RAP1GDS1: variants seen among roughly 807,000 people sequenced by gnomAD.
RAP1GDS1 encodes RAP1, GTP-GDP dissociation stimulator 1.
A neutral mutation model predicts 71.1 loss-of-function variants in RAP1GDS1; 35 were observed. The observed-to-expected ratio is 0.49, with a 90% CI of 0.38 to 0.65. RAP1GDS1 has a LOEUF of 0.65. Ranked by LOEUF, RAP1GDS1 falls within the 30% of genes least tolerant of loss-of-function variation. RAP1GDS1 has a pLI of 0.00. For missense variants in RAP1GDS1, 663 were observed against 706.1 expected, an observed-to-expected ratio of 0.94 and a Z score of 0.69; for synonymous variants, 229 against 243.1, an observed-to-expected ratio of 0.94 and a Z score of 0.54.
chr4:98,334,308 CA>C (rs139545154), intron 2 of RAP1GDS1, among the ~76,000 whole-genome samples: 5 of 151,504 alleles, frequency 3.3e-5, no homozygotes, highest in African/African-American at 7.3e-5. Context: ...TTTAAAAAAA[CA>C]AAAAAAACCT....
At chr4:98,324,845 C>T (rs1732690296) in intron 2 of RAP1GDS1, among the ~76,000 whole-genome samples, 2 of 152,012 alleles carry the variant, frequency 1.3e-5, no homozygotes, top group African/African-American at 4.8e-5. Context: ...CATTACCATT[C>T]AGTACATAAG....
chr4:98,402,760 A>G (rs757595170), intron 6 of RAP1GDS1, among the ~76,000 whole-genome samples: 1 of 152,184 alleles, frequency 6.6e-6, no homozygotes, highest in Non-Finnish European at 1.5e-5. Context: ...TTACATGTTC[A>G]TTTACTCATA....
chr4:98,417,700 A>T (rs1333617792), intron 9 of RAP1GDS1, among the ~76,000 whole-genome samples: 1 of 152,202 alleles, frequency 6.6e-6, no homozygotes, highest in Non-Finnish European at 1.5e-5. Context: ...CTAAATTCTA[A>T]TAGTTTAAAT....
chr4:98,396,913 G>T (rs952678851), intron 6 of RAP1GDS1: 1 of 152,112 alleles, frequency 6.6e-6, no homozygotes, highest in East Asian at 1.9e-4. Flanking sequence ...TAACAAATTT[G>T]TGTATTTTTG....
At chr4:98,316,593 C>T (rs1730974947) in intron 2 of RAP1GDS1, among the ~76,000 whole-genome samples, 1 of 151,874 alleles carries the variant, frequency 6.6e-6, no homozygotes, top group East Asian at 1.9e-4. Context: ...TGTTGTGGTA[C>T]TAATGATGAG....
At chr4:98,287,351 G>C (rs912125095) in intron 1 of RAP1GDS1, among the ~76,000 whole-genome samples, 1 of 152,168 alleles carries the variant, frequency 6.6e-6, no homozygotes, top group African/African-American at 2.4e-5. Flanking sequence ...ACTTGGTGTA[G>C]AGTTCAAACT....
rs183512580 is a variant in RAP1GDS1, at chr4:98,359,591, G to C, written c.361+6990G>C. ...TAGGACATGTAAATCATGAAGATAC[G>C]ATTTTTTAAAATAGCCAAATAGTAA... On this transcript the variant is annotated intron_variant, in intron 4 of 14. Coordinates refer to ENST00000408927, the MANE Select transcript of RAP1GDS1 (RefSeq NM_001100427.2). Among the ~76,000 whole-genome samples the C allele has an allele frequency of 3.0e-3, 458 of 152,206 alleles. 3 individuals carry two copies. The highest frequency in any genetic ancestry group is 0.011 in the South Asian group (53 of 4,816).
At chr4:98,415,203 GA>G (rs1747761983) in intron 7 of RAP1GDS1, among the ~76,000 whole-genome samples, 2 of 152,274 alleles carry the variant, frequency 1.3e-5, no homozygotes, top group African/African-American at 4.8e-5. Context: ...CAGGCAGTCA[GA>G]CCTTTGGTTG....
At chr4:98,313,582 A>G (rs2110325753) in intron 2 of RAP1GDS1, among the ~76,000 whole-genome samples, 1 of 152,238 alleles carries the variant, frequency 6.6e-6, no homozygotes, top group Non-Finnish European at 1.5e-5. Context: ...GGTAGCTCAC[A>G]GCTGTAATCC....
At chr4:98,410,646 A>T (rs1316041036) in intron 7 of RAP1GDS1, among the ~76,000 whole-genome samples, 1 of 152,260 alleles carries the variant, frequency 6.6e-6, no homozygotes, top group African/African-American at 2.4e-5. Flanking sequence ...GGATATTAAT[A>T]TAATGGAAAA....
chr4:98,307,403 A>T (rs1553966647), intron 2 of RAP1GDS1, among the ~76,000 whole-genome samples: 1 of 152,104 alleles, frequency 6.6e-6, no homozygotes, highest in Non-Finnish European at 1.5e-5. Flanking sequence ...AATTTTGTAA[A>T]TACTTTGTCA....
chr4:98,305,116 T>A (rs1484838699), intron 2 of RAP1GDS1, among the ~76,000 whole-genome samples: 1 of 152,170 alleles, frequency 6.6e-6, no homozygotes, highest in Non-Finnish European at 1.5e-5. Flanking sequence ...CCTCTAGCTT[T>A]GTTCTTTTTG....
At chr4:98,398,338 A>AAAT (rs1744860924) in intron 6 of RAP1GDS1, among the ~76,000 whole-genome samples, 1 of 152,180 alleles carries the variant, frequency 6.6e-6, no homozygotes, top group African/African-American at 2.4e-5. Flanking sequence ...CACAGAACTG[A>AAAT]AATACAAAAT....
intron 5 of RAP1GDS1, chr4:98,387,395 C>A (rs1560940633): frequency 2.2e-6 from 1 of 455,274 alleles, no homozygotes; most frequent in Admixed American, 2.3e-5. Flanking sequence ...ACTTAAAACT[C>A]AGGGGGGAAA....
chr4:98,391,885 T>A (rs1743735523), intron 5 of RAP1GDS1, 67 bp from the exon 6 acceptor site: 1 of 1,404,976 alleles, frequency 7.1e-7, no homozygotes, highest in East Asian at 2.4e-5. Context: ...GGTGTTTTCT[T>A]CTTATAATGT....
In RAP1GDS1 at chr4:98,404,544, A is replaced by G. The variant is rs2110154821; in HGVS notation, c.705A>G (p.Gln235=). 5.0e-6 allele frequency: 8 copies of G among 1,608,264 alleles called. No individual in the cohort carries two copies. Among genetic ancestry groups the G allele is most frequent in the East Asian group, 4.5e-5 (2 of 44,476 alleles). The change falls in exon 7 of 15, where the codon CAA becomes CAG. Residue 235 remains glutamine, a synonymous_variant. Transcript: ENST00000408927. ...AEELVKLFKK[Q]IEHDKREMIF... ...AGCTAGTAAAACTCTTCAAGAAACA[A>G]ATAGAACATGATAAGAGAGAAATGA...
rs796213896 is a variant in RAP1GDS1 at position 98,385,147 on chromosome 4, C to T, written c.508+5984C>T. On this transcript the variant is annotated intron_variant, in intron 5 of 14. Coordinates refer to ENST00000408927, the MANE Select transcript of RAP1GDS1 (RefSeq NM_001100427.2). The stretch of plus-strand genomic sequence containing the variant: ...TTCATCCTTACAAGATGTATATCAC[C>T]ATTAATTATTGGTGCATTTTAATAT... 6.6e-5 allele frequency among the ~76,000 whole-genome samples: 10 copies of T among 151,660 alleles called. 1 individual carries two copies. The highest frequency in any genetic ancestry group is 2.4e-4 in the African/African-American group (10 of 41,436).
intron 7 of RAP1GDS1, among the ~76,000 whole-genome samples, chr4:98,408,102 A>AT (rs199915283): frequency 0.011 from 1,608 of 141,152 alleles, 25 homozygotes; most frequent in African/African-American, 0.04. Flanking sequence ...ATATATATAT[A>AT]TATTTTTTTT....
intron 2 of RAP1GDS1, among the ~76,000 whole-genome samples, chr4:98,338,247 T>A (rs762253021): frequency 1.3e-5 from 2 of 152,180 alleles, no homozygotes; most frequent in Non-Finnish European, 2.9e-5. Context: ...ATGGGTTTCC[T>A]ACCATTCACT....
Sources: allele counts gnomAD v4.1 joint callset (sites outside exome capture counted in the v4.1 genomes callset), GRCh38; gene constraint gnomAD v4.1.1; transcripts MANE v1.5; gene names NCBI Gene and HGNC (gene_info 2026-07-23, HGNC 2026-07-21).